The following SORBS3 variants were observed in gnomAD, a reference collection of about 807,000 sequenced individuals.
SORBS3 encodes sorbin and SH3 domain containing 3.
A neutral mutation model predicts 98.0 loss-of-function variants in SORBS3; 69 were observed. The observed-to-expected ratio is 0.70, with a 90% CI of 0.58 to 0.86. The LOEUF (loss-of-function observed/expected upper bound fraction) is 0.86. SORBS3 is among the 40% of genes least tolerant of loss of function. The pLI is 0.00. For synonymous variants in SORBS3, 394 were observed against 355.4 expected, an observed-to-expected ratio of 1.11 and a Z score of -1.22; for missense variants, 954 against 908.5, an observed-to-expected ratio of 1.05 and a Z score of -0.64.
intron 3 of SORBS3, among the ~76,000 whole-genome samples, chr8:22,556,119 G>A (rs1352749588): frequency 6.6e-6 from 1 of 152,274 alleles, no homozygotes; most frequent in Admixed American, 6.5e-5. Context: ...CTACTTAGAG[G>A]CTAACACTTA....
In SORBS3 at chr8:22,554,827, G is replaced by A. The variant is rs746739910; in HGVS notation, c.103-36G>A. On this transcript the variant is annotated intron_variant, in intron 2 of 20. Transcript: ENST00000240123. This position sits in a 1 kb window ranked among gnomAD's most constrained non-coding sequence, Gnocchi z 6.5. ...AGCCATCCCTCCCTCCCGCCCTGCT[G>A]GGCCCTGAGCTGCCGCTCCTGGCCC... 4 of 1,384,394 alleles carry A rather than the reference G, an allele frequency of 2.9e-6. No homozygotes were observed. The highest frequency in any genetic ancestry group is 4.1e-6 in the Non-Finnish European group (4 of 974,374). The allele number at this position is 1,384,394 out of a possible 1,614,324, so 85.8% of individuals were successfully genotyped here. A position where few individuals can be genotyped will look rare whatever the true frequency, so the allele number is the denominator to read the frequency against.
At chr8:22,564,174 G>A in intron 8 of SORBS3, 97 bp downstream of exon 8, 1 of 1,488,866 alleles carries the variant, frequency 6.7e-7, no homozygotes, top group Non-Finnish European at 9.3e-7. Flanking sequence ...TCCCTTGGAG[G>A]ACACCGTGGG....
At chr8:22,547,947 G>T (rs1840033237), upstream of SORBS3, among the ~76,000 whole-genome samples, 1 of 152,204 alleles carries the variant, frequency 6.6e-6, no homozygotes, top group Non-Finnish European at 1.5e-5. Context: ...TTGGCCCTGA[G>T]AACCCAGAAT....
intron 7 of SORBS3, among the ~76,000 whole-genome samples, chr8:22,562,204 A>G (rs1000797430): frequency 1.3e-5 from 2 of 152,252 alleles, no homozygotes; most frequent in Admixed American, 6.5e-5. Context: ...GTTTGTGGTC[A>G]GCAGCAGGAA....
intron 5 of SORBS3, among the ~76,000 whole-genome samples, chr8:22,559,425 GCGCGGTGGCTCA>G (rs1840248452): frequency 6.6e-6 from 1 of 152,192 alleles, no homozygotes; most frequent in Admixed American, 6.5e-5. Flanking sequence ...CACAGGCCGG[GCGCGGTGGCTCA>G]CGCCTGTAAT....
At chr8:22,561,482 CA>C in intron 6 of SORBS3, 109 bp downstream of exon 6, 1 of 1,216,920 alleles carries the variant, frequency 8.2e-7, no homozygotes, top group Non-Finnish European at 1.2e-6. Flanking sequence ...CCAGTTGGCT[CA>C]GTTCAACCTG....
chr8:22,558,750 G>A (rs1370429842), intron 5 of SORBS3, among the ~76,000 whole-genome samples: 1 of 152,226 alleles, frequency 6.6e-6, no homozygotes, highest in Non-Finnish European at 1.5e-5. Context: ...AGCCAGACTG[G>A]GAGAGTGCCC....
chr8:22,575,240 C>A lies in SORBS3; in HGVS notation c.*512C>A. 2.5e-5 allele frequency: 8 copies of A among 313,964 alleles called. No homozygotes were observed. The highest frequency in any genetic ancestry group is 2.1e-4 in the South Asian group (8 of 38,696). The allele number at this position is 313,964 out of a possible 1,614,324, so 19.4% of individuals were successfully genotyped here. A position where few individuals can be genotyped will look rare whatever the true frequency, so the allele number is the denominator to read the frequency against. ...CTGGGTGTGGGGGGGCGGAGCAAGG[C>A]GGGGGACAGACGCAGCACCTTCTTA... On this transcript the variant is annotated 3_prime_UTR_variant, in exon 21 of 21. Coordinates refer to ENST00000240123, the MANE Select transcript of SORBS3 (RefSeq NM_005775.5).
In SORBS3 at chr8:22,566,641, G is replaced by A. The variant is rs755393456; in HGVS notation, c.1091-20G>A. On this transcript the variant is annotated intron_variant, in intron 13 of 20. Coordinates refer to ENST00000240123, the MANE Select transcript of SORBS3 (RefSeq NM_005775.5). ...CCCCCAGGTATGGCCTCCCCAAGCT[G>A]AGGTTGTGCTTCTCCACAGACCCTA... 6.3e-7 allele frequency: 1 copy of A among 1,594,794 alleles called. No individual in the cohort carries two copies. Among genetic ancestry groups the A allele is most frequent in the East Asian group, 2.2e-5 (1 of 44,698 alleles).
chr8:22,565,952 A>G (rs1308239809), intron 12 of SORBS3, 80 bp downstream of exon 12: 2 of 1,001,466 alleles, frequency 2.0e-6, no homozygotes, highest in East Asian at 3.4e-5. Context: ...GGCGGGGCGG[A>G]CGGGGGCGAT....
intron 10 of SORBS3, 116 bp downstream of exon 10, chr8:22,564,637 A>C (rs3758038): frequency 2.8e-6 from 4 of 1,443,764 alleles, no homozygotes; most frequent in South Asian, 2.5e-5. Flanking sequence ...CTCCAGTCCC[A>C]CATGGTTTAT....
At chr8:22,561,287 C>T in intron 5 of SORBS3, 48 bp from the exon 6 acceptor site, 3 of 1,539,728 alleles carry the variant, frequency 1.9e-6, no homozygotes, top group Non-Finnish European at 8.8e-7. Flanking sequence ...GGCACCCTGC[C>T]CTTGCTTTCT....
In SORBS3 at chr8:22,566,417, C is replaced by A; in HGVS notation, c.1023C>A (p.His341Gln). ...YLGSARSLSP[H>Q]KMADGGSPFL... The stretch of plus-strand genomic sequence containing the variant: ...GTTCCGCCCGGTCCCTGAGTCCCCA[C>A]AAAATGGCTGATGGAGGAAGCCCCT... Residue 341 changes from histidine (H) to glutamine (Q), a missense_variant, in exon 13 of 21, where the codon CAC becomes CAA. Transcript: ENST00000240123. 6.2e-7 allele frequency: 1 copy of A among 1,614,104 alleles called. No homozygotes were observed. Among genetic ancestry groups the A allele is most frequent in the Non-Finnish European group, 8.5e-7 (1 of 1,180,000 alleles).
chr8:22,561,946 G>A lies in SORBS3; in HGVS notation c.584+15G>A, dbSNP rs2117246104. On this transcript the variant is annotated intron_variant, in intron 7 of 20. Transcript: ENST00000240123. Reference sequence around the variant, plus strand: ...TCTTCCAGTGGGTGAGCACAGTGGGGCGGGGCCGAGGGCTGCGGAGGGGCG... The same window carrying A: ...TCTTCCAGTGGGTGAGCACAGTGGGACGGGGCCGAGGGCTGCGGAGGGGCG... The A allele has an allele frequency of 1.2e-6, 2 of 1,613,334 alleles. No individual in the cohort carries two copies. Among genetic ancestry groups the A allele is most frequent in the Non-Finnish European group, 8.5e-7 (1 of 1,179,542 alleles).
upstream of SORBS3, among the ~76,000 whole-genome samples, chr8:22,550,435 C>A (rs1201172359): frequency 6.6e-6 from 1 of 152,178 alleles, no homozygotes; most frequent in Non-Finnish European, 1.5e-5. Flanking sequence ...TATGACGTGT[C>A]CCCCAGTGGT....
chr8:22,554,961 A>G lies in SORBS3; in HGVS notation c.201A>G (p.Arg67=). Reference sequence around the variant, plus strand: ...GCAATGGGGGCTACACACCAAGACGAGATGCTTCCCAGCACCCGGGTAGGT... The same window carrying G: ...GCAATGGGGGCTACACACCAAGACGGGATGCTTCCCAGCACCCGGGTAGGT... The part of the protein sequence containing the change: ...TVCNGGYTPR[R]DASQHPDPAW... Residue 67 remains arginine, a synonymous_variant, in exon 3 of 21, where the codon CGA becomes CGG. Coordinates refer to ENST00000240123, the MANE Select transcript of SORBS3 (RefSeq NM_005775.5). The surrounding 1 kb of genome is among the most constrained non-coding windows in gnomAD (Gnocchi z 6.5). 6.2e-7 allele frequency: 1 copy of G among 1,613,418 alleles called. No individual in the cohort carries two copies.
intron 3 of SORBS3, among the ~76,000 whole-genome samples, chr8:22,556,178 T>G (rs146069282): frequency 6.6e-6 from 1 of 152,356 alleles, no homozygotes; most frequent in East Asian, 1.9e-4. Context: ...AATGGGTTTC[T>G]GACCTTCACT....
chr8:22,561,273 C>T, intron 5 of SORBS3, 62 bp from the exon 6 acceptor site: 3 of 1,511,682 alleles, frequency 2.0e-6, no homozygotes, highest in Non-Finnish European at 2.7e-6. Context: ...AGGTTGCCTC[C>T]CAGGGCACCC....
chr8:22,571,312 C>T (rs1840578263), intron 18 of SORBS3, 91 bp downstream of exon 18: 6 of 745,244 alleles, frequency 8.1e-6, no homozygotes, highest in South Asian at 1.8e-5. Context: ...GACTCCTTCC[C>T]AGACAGCCCT....
Sources: allele counts gnomAD v4.1 joint callset (sites outside exome capture counted in the v4.1 genomes callset), GRCh38; gene constraint gnomAD v4.1.1; non-coding constraint Gnocchi (gnomAD v3.1); transcripts MANE v1.5; gene names NCBI Gene and HGNC (gene_info 2026-07-23, HGNC 2026-07-21).